Variants in ZNF415 observed in about 807,000 individuals in gnomAD.
ZNF415 encodes the protein zinc finger protein 415.
In ZNF415, 5 loss-of-function variants were observed where a neutral mutation model predicts 7.3. That is an observed-to-expected ratio of 0.69 (90% CI 0.36 to 1.44). The LOEUF (loss-of-function observed/expected upper bound fraction) is 1.44. Ranked by LOEUF, ZNF415 falls within the 40% of genes most tolerant of loss-of-function variation. ZNF415 has a pLI of 0.04. For synonymous variants in ZNF415, 207 were observed against 226.3 expected, an observed-to-expected ratio of 0.91 and a Z score of 0.77; for missense variants, 628 against 664.8, an observed-to-expected ratio of 0.94 and a Z score of 0.61.
chr19:53,113,001 G>A (rs1030138692), intron 3 of ZNF415, among the ~76,000 whole-genome samples: 2 of 151,762 alleles, frequency 1.3e-5, no homozygotes, highest in African/African-American at 4.8e-5. Flanking sequence ...CAGGAGCATC[G>A]CTTGAACCTG....
intron 3 of ZNF415, chr19:53,115,476 A>T: frequency 1.8e-6 from 1 of 558,562 alleles, no homozygotes; most frequent in Non-Finnish European, 3.2e-6. Context: ...GTCCATCATG[A>T]TGAGCACTTC....
At chr19:53,132,326 G>C (rs542592732) in intron 1 of ZNF415, among the ~76,000 whole-genome samples, 2 of 152,278 alleles carry the variant, frequency 1.3e-5, no homozygotes, top group Non-Finnish European at 2.9e-5. Flanking sequence ...GAGGAGGGCA[G>C]GCAAGAACAT....
chr19:53,112,931 A>G (rs967301356), intron 3 of ZNF415, among the ~76,000 whole-genome samples: 2 of 152,040 alleles, frequency 1.3e-5, no homozygotes, highest in African/African-American at 2.4e-5. Context: ...TACTAAAAAT[A>G]CAAAATTAGC....
intron 1 of ZNF415, among the ~76,000 whole-genome samples, chr19:53,130,358 C>T (rs141976035): frequency 2.0e-4 from 30 of 152,158 alleles, no homozygotes; most frequent in African/African-American, 7.2e-4. Flanking sequence ...GAGCAGAAAG[C>T]ATGCAGACCT....
intron 1 of ZNF415, among the ~76,000 whole-genome samples, chr19:53,127,122 T>TC (rs1162047803): frequency 7.1e-6 from 1 of 141,338 alleles, no homozygotes; most frequent in African/African-American, 2.7e-5. Context: ...GAGAAATCTT[T>TC]CCCTTACTCT....
At chr19:53,112,386 G>C (rs1191625779) in intron 3 of ZNF415, among the ~76,000 whole-genome samples, 1 of 152,188 alleles carries the variant, frequency 6.6e-6, no homozygotes, top group Non-Finnish European at 1.5e-5. Context: ...CAAGAGCTGG[G>C]CTGTGTTGAT....
At chr19:53,127,360 G>A (rs576896308) in intron 1 of ZNF415, among the ~76,000 whole-genome samples, 197 of 152,236 alleles carry the variant, frequency 1.3e-3, no homozygotes, top group African/African-American at 4.5e-3. Context: ...AATTTCGCAA[G>A]TCCCAGTAAC....
chr19:53,122,033 G>C (rs983051432), intron 2 of ZNF415, among the ~76,000 whole-genome samples: 1 of 151,724 alleles, frequency 6.6e-6, no homozygotes, highest in Non-Finnish European at 1.5e-5. Context: ...GATCACCTGA[G>C]GTCTGGAGTT....
At chr19:53,110,948 T>A (rs2086140880) in intron 3 of ZNF415, among the ~76,000 whole-genome samples, 1 of 152,202 alleles carries the variant, frequency 6.6e-6, no homozygotes, top group Non-Finnish European at 1.5e-5. Flanking sequence ...ACATAAGAGT[T>A]TGTACTTGGA....
intron 3 of ZNF415, among the ~76,000 whole-genome samples, chr19:53,111,254 A>T (rs1180931161): frequency 6.6e-6 from 1 of 151,256 alleles, no homozygotes; most frequent in Non-Finnish European, 1.5e-5. Context: ...GAACTGATTC[A>T]CCTGGCTCCT....
At chr19:53,114,976 C>G (rs2086780128) in intron 3 of ZNF415, among the ~76,000 whole-genome samples, 2 of 152,132 alleles carry the variant, frequency 1.3e-5, no homozygotes, top group Admixed American at 1.3e-4. Context: ...CTCCAGGCAT[C>G]AGGACTGTGG....
intron 1 of ZNF415, among the ~76,000 whole-genome samples, chr19:53,130,397 A>G (rs1242101418): frequency 6.6e-6 from 1 of 152,106 alleles, no homozygotes; most frequent in Non-Finnish European, 1.5e-5. Context: ...ATTAATTTCA[A>G]AGGGAAAGAT....
intron 1 of ZNF415, chr19:53,123,530 A>T (rs2088504797): frequency 2.5e-6 from 1 of 398,780 alleles, no homozygotes. Context: ...GAGTTCCAGC[A>T]GAGGCACAGC....
intron 3 of ZNF415, among the ~76,000 whole-genome samples, chr19:53,114,461 C>T (rs1471050245): frequency 6.6e-6 from 1 of 152,174 alleles, no homozygotes; most frequent in Non-Finnish European, 1.5e-5. Flanking sequence ...AGCCACCGCA[C>T]CTGGTCAAAA....
At chr19:53,130,365 A>C (rs2089901802) in intron 1 of ZNF415, among the ~76,000 whole-genome samples, 1 of 152,176 alleles carries the variant, frequency 6.6e-6, no homozygotes, top group Admixed American at 6.5e-5. Flanking sequence ...AAGCATGCAG[A>C]CCTCTATCAA....
At chr19:53,126,190 C>G (rs1040361867) in intron 1 of ZNF415, among the ~76,000 whole-genome samples, 5 of 150,898 alleles carry the variant, frequency 3.3e-5, no homozygotes, top group East Asian at 2.0e-4. Flanking sequence ...TGAGAAGGGA[C>G]CTGAGCAGGA....
intron 2 of ZNF415, 105 bp from the exon 3 acceptor site, chr19:53,116,538 AGT>A: frequency 6.9e-7 from 1 of 1,459,442 alleles, no homozygotes; most frequent in African/African-American, 1.4e-5. Context: ...ATTTAATTGA[AGT>A]GTGTGTTCTG....
chr19:53,108,206 G>T lies in ZNF415; in HGVS notation c.*171C>A. 1.5e-6 allele frequency: 1 copy of T among 651,648 alleles called. No individual in the cohort carries two copies. Among genetic ancestry groups the T allele is most frequent in the Non-Finnish European group, 2.5e-6 (1 of 392,728 alleles). The allele number at this position is 651,648 out of a possible 1,614,324, so 40.4% of individuals were successfully genotyped here. A position where few individuals can be genotyped will look rare whatever the true frequency, so the allele number is the denominator to read the frequency against. Reference sequence around the variant, plus strand: ...AATGAATGCTTGAACTTGTGATGAAGGGTTTGCTGTACTCGTAAGGATTCT... The same window carrying T: ...AATGAATGCTTGAACTTGTGATGAATGGTTTGCTGTACTCGTAAGGATTCT... On this transcript the variant is annotated 3_prime_UTR_variant, in exon 4 of 4. Coordinates refer to ENST00000243643, the MANE Select transcript of ZNF415 (RefSeq NM_018355.4).
intron 2 of ZNF415, among the ~76,000 whole-genome samples, chr19:53,119,019 G>A (rs142383678): frequency 7.3e-5 from 11 of 151,342 alleles, no homozygotes; most frequent in South Asian, 2.1e-4. Context: ...AGTGGCTCAC[G>A]CCTGTAGTCC....
Sources: gnomAD v4.1 joint callset for allele counts (sites outside exome capture counted in the v4.1 genomes callset) on GRCh38, gnomAD v4.1.1 for gene constraint, MANE v1.5 for transcripts, NCBI Gene and HGNC (gene_info 2026-07-23, HGNC 2026-07-21) for gene names.